Variants in CDC42BPB observed in about 807,000 individuals in gnomAD.
The protein encoded by CDC42BPB is CDC42 binding protein kinase beta.
Under a neutral mutation model 214.9 loss-of-function variants are expected in CDC42BPB, and 37 were observed. The ratio of observed to expected loss-of-function variants is 0.17; its 90% confidence interval spans 0.13 to 0.23. The LOEUF (loss-of-function observed/expected upper bound fraction) is 0.23, where lower values mean the gene tolerates loss of function less well. Among genes scored for constraint, CDC42BPB ranks in the 10% least tolerant of loss-of-function variants. CDC42BPB has a pLI of 1.00. For synonymous variants in CDC42BPB, 931 were observed against 884.0 expected, an observed-to-expected ratio of 1.05 and a Z score of -0.94; for missense variants, 1,694 against 2,227.0, an observed-to-expected ratio of 0.76 and a Z score of 4.82.
chr14:103,033,598 T>C (rs906479991), intron 1 of CDC42BPB, among the ~76,000 whole-genome samples: 1 of 152,170 alleles, frequency 6.6e-6, no homozygotes, highest in Non-Finnish European at 1.5e-5. Context: ...ATATTACCAA[T>C]TACTATCACT....
rs35361832 is a variant in CDC42BPB at position 102,994,784 on chromosome 14, C to T, written c.596+4781G>A. On this transcript the variant is annotated intron_variant, in intron 5 of 36. Coordinates refer to ENST00000361246, the MANE Select transcript of CDC42BPB (RefSeq NM_006035.4). ...CTGACACTGAAAAGGGAGGCTGCTT[C>T]TGTCCCTCACCGTACCATTTCTGAG... Among the ~76,000 whole-genome samples, 631 of 152,338 alleles carry T rather than the reference C, an allele frequency of 4.1e-3. 6 individuals carry two copies. The highest frequency in any genetic ancestry group is 0.015 in the African/African-American group (609 of 41,566).
chr14:103,055,320 G>C (rs1888884141), intron 1 of CDC42BPB, among the ~76,000 whole-genome samples: 1 of 152,338 alleles, frequency 6.6e-6, no homozygotes, highest in African/African-American at 2.4e-5. Flanking sequence ...CTACTCGGGA[G>C]GCTGAGGCAG....
chr14:102,946,357 T>C (rs1892176229), intron 28 of CDC42BPB, 111 bp downstream of exon 28: 2 of 1,235,642 alleles, frequency 1.6e-6, no homozygotes, highest in Non-Finnish European at 2.3e-6. Flanking sequence ...AGAAACTGTC[T>C]ACAAACCCAA....
intron 14 of CDC42BPB, among the ~76,000 whole-genome samples, chr14:102,969,562 T>C (rs1282011207): frequency 6.6e-6 from 1 of 152,202 alleles, no homozygotes; most frequent in Non-Finnish European, 1.5e-5. Context: ...GCCAGATCAC[T>C]GAGGCGAAGG....
At chr14:103,031,751 C>T (rs1887389620) in intron 1 of CDC42BPB, among the ~76,000 whole-genome samples, 1 of 152,236 alleles carries the variant, frequency 6.6e-6, no homozygotes, top group African/African-American at 2.4e-5. Flanking sequence ...GGTAGAATGC[C>T]CAACCCGTCT....
rs748773101 is a variant in CDC42BPB, at chr14:102,971,999, CCTT to C, written c.1801_1803del (p.Lys601del). 43 of 1,614,158 alleles carry C rather than the reference CCTT, an allele frequency of 2.7e-5. No individual in the cohort carries two copies. The highest frequency in any genetic ancestry group is 3.3e-5 in the South Asian group (3 of 91,094). The stretch of plus-strand genomic sequence containing the variant: ...TGCGTGGCCACCTCCATCTCCTCCT[CCTT>C]GTCTCGCAGCTGCCGGGACACCTTC... On this transcript the variant is annotated inframe_deletion, in exon 13 of 37. Coordinates refer to ENST00000361246, the MANE Select transcript of CDC42BPB (RefSeq NM_006035.4).
At chr14:102,969,338 G>A (rs1048450666) in intron 14 of CDC42BPB, among the ~76,000 whole-genome samples, 2 of 152,192 alleles carry the variant, frequency 1.3e-5, no homozygotes, top group African/African-American at 2.4e-5. Flanking sequence ...GCAGGCAGGA[G>A]GGTAGCTGCT....
At chr14:103,045,515 C>A (rs1165362510) in intron 1 of CDC42BPB, among the ~76,000 whole-genome samples, 1 of 152,158 alleles carries the variant, frequency 6.6e-6, no homozygotes, top group Admixed American at 6.6e-5. Context: ...CGCTGTCCAG[C>A]CACCGTATTT....
At chr14:103,024,409 G>T (rs1253059760) in intron 1 of CDC42BPB, among the ~76,000 whole-genome samples, 2 of 152,182 alleles carry the variant, frequency 1.3e-5, no homozygotes, top group Non-Finnish European at 1.5e-5. Flanking sequence ...TATCTACAGT[G>T]ATTAAATGCT....
At chr14:103,052,856 G>A (rs1888686072) in intron 1 of CDC42BPB, among the ~76,000 whole-genome samples, 1 of 152,214 alleles carries the variant, frequency 6.6e-6, no homozygotes, top group African/African-American at 2.4e-5. Flanking sequence ...CCATCCAAAC[G>A]CAACATTAGC....
chr14:103,004,048 T>C lies in CDC42BPB; in HGVS notation c.352-25A>G. 6.3e-7 allele frequency: 1 copy of C among 1,576,922 alleles called. No homozygotes were observed. ...TCTGCAAAGCAACGAGGGGTGTCAG[T>C]CTGTGTTCACTGGGAAGCAGGCCAG... On this transcript the variant is annotated intron_variant, in intron 3 of 36. Transcript: ENST00000361246. This position sits in a 1 kb window ranked among gnomAD's most constrained non-coding sequence, Gnocchi z 5.3.
At chr14:102,998,274 C>T (rs559606583) in intron 5 of CDC42BPB, among the ~76,000 whole-genome samples, 2 of 151,858 alleles carry the variant, frequency 1.3e-5, no homozygotes, top group Admixed American at 6.5e-5. Flanking sequence ...TGATCTAAAG[C>T]CAAAAAAGAA....
At chr14:103,032,322 T>C (rs961173776) in intron 1 of CDC42BPB, among the ~76,000 whole-genome samples, 2 of 152,070 alleles carry the variant, frequency 1.3e-5, no homozygotes, top group Admixed American at 6.5e-5. Context: ...GAATATACTT[T>C]ACCACTGCAA....
intron 1 of CDC42BPB, among the ~76,000 whole-genome samples, chr14:103,027,767 G>A (rs962278624): frequency 6.6e-6 from 1 of 152,214 alleles, no homozygotes; most frequent in Non-Finnish European, 1.5e-5. Context: ...CAATGAAAAT[G>A]CTCTAGAATT....
intron 1 of CDC42BPB, among the ~76,000 whole-genome samples, chr14:103,027,565 C>A (rs142707796): frequency 9.2e-5 from 14 of 152,318 alleles, no homozygotes; most frequent in Non-Finnish European, 5.9e-5. Context: ...AATAACAATA[C>A]AACATGGATG....
At position 102,972,022 on chromosome 14, in the gene CDC42BPB, A is replaced by G; in HGVS notation, c.1781T>C (p.Val594Ala). The G allele has an allele frequency of 1.2e-6, 2 of 1,614,120 alleles. No homozygotes were observed. Among genetic ancestry groups the G allele is most frequent in the Non-Finnish European group, 1.7e-6 (2 of 1,180,030 alleles). The change falls in exon 13 of 37, where the codon GTG (valine) becomes GCG (alanine). Residue 594 changes from valine (V) to alanine (A), a missense_variant. Coordinates refer to ENST00000361246, the MANE Select transcript of CDC42BPB (RefSeq NM_006035.4). Reference protein sequence around the residue: ...MAELRAQKQKVSRQLRDKEEE... With the variant: ...MAELRAQKQKASRQLRDKEEE... ...CTCCTTGTCTCGCAGCTGCCGGGAC[A>G]CCTTCTGCTTCTGGGCACGGAGCTC...
chr14:103,032,831 C>T (rs1335219052), intron 1 of CDC42BPB, among the ~76,000 whole-genome samples: 1 of 150,814 alleles, frequency 6.6e-6, no homozygotes, highest in Non-Finnish European at 1.5e-5. Context: ...ATCATGTTAC[C>T]CAGGCTGGTC....
intron 26 of CDC42BPB, among the ~76,000 whole-genome samples, chr14:102,949,326 G>A (rs941325471): frequency 1.3e-5 from 2 of 152,118 alleles, no homozygotes; most frequent in African/African-American, 2.4e-5. Context: ...CATAGCAAAC[G>A]CTACGGCCAC....
intron 5 of CDC42BPB, among the ~76,000 whole-genome samples, chr14:102,991,362 A>G (rs557467632): frequency 3.3e-5 from 5 of 152,386 alleles, no homozygotes; most frequent in African/African-American, 1.2e-4. Context: ...CGCCAAACAC[A>G]TCAATGTTCT....
Sources: gnomAD v4.1 joint callset for allele counts (sites outside exome capture counted in the v4.1 genomes callset) on GRCh38, gnomAD v4.1.1 for gene constraint, Gnocchi (gnomAD v3.1) non-coding constraint, MANE v1.5 for transcripts, NCBI Gene and HGNC (gene_info 2026-07-23, HGNC 2026-07-21) for gene names.